Variants in BAZ2B observed in about 807,000 individuals in gnomAD.
BAZ2B encodes bromodomain adjacent to zinc finger domain 2B, also known as bromodomain adjacent to zinc finger domain protein 2B.
A neutral mutation model predicts 246.0 loss-of-function variants in BAZ2B; 91 were observed. The observed-to-expected ratio is 0.37, with a 90% CI of 0.31 to 0.44. The LOEUF (loss-of-function observed/expected upper bound fraction) is 0.44, where lower values mean the gene tolerates loss of function less well. BAZ2B is among the 20% of genes least tolerant of loss of function. The pLI is 1.00. For missense variants in BAZ2B, 2,332 were observed against 2,533.7 expected (o/e 0.92, Z 1.71); for synonymous variants, 855 against 860.0 (o/e 0.99, Z 0.10).
At chr2:159,349,313 A>AGAT (rs2058312079) in intron 28 of BAZ2B, 33 bp from the exon 29 acceptor site, 1 of 1,544,976 alleles carries the variant, frequency 6.5e-7, no homozygotes, top group Non-Finnish European at 8.7e-7. Flanking sequence ...AATGAAAAGT[A>AGAT]GATTACTCTA....
Position 159,350,054 on chromosome 2 carries a change from T to A in BAZ2B, c.4517A>T (p.His1506Leu). ...CTLSYQNSGK[H>L]SLGSVQSTAT... is the part of the protein sequence containing the mutation. ...TGTTGACTGAACGCTGCCCAGTGAA[T>A]GTTTTCCACTGTTCTGATAAGACAA... Residue 1506 changes from histidine to leucine, a missense_variant, in exon 28 of 37, where the codon CAT becomes CTT. By Grantham distance (99) the His-to-Leu change is moderately conservative. Around this residue, in one of 9 missense-constraint regions of BAZ2B, gnomAD observed 676 missense variants for 668.6 expected, o/e 1.01. Coordinates refer to ENST00000392783, the MANE Select transcript of BAZ2B (RefSeq NM_013450.4). The A allele has an allele frequency of 6.2e-7, 1 of 1,614,188 alleles. No homozygotes were observed. The highest frequency in any genetic ancestry group is 8.5e-7 in the Non-Finnish European group (1 of 1,180,024).
intron 25 of BAZ2B, among the ~76,000 whole-genome samples, chr2:159,380,945 T>C (rs570475882): frequency 1.5e-4 from 23 of 152,300 alleles, no homozygotes; most frequent in East Asian, 7.7e-4. Context: ...TTCATTGCTA[T>C]AAGCACAAGT....
At chr2:159,478,838 C>T (rs2078928799) in intron 2 of BAZ2B, 117 bp from the exon 3 acceptor site, 1 of 740,092 alleles carries the variant, frequency 1.4e-6, no homozygotes, top group African/African-American at 1.8e-5. Context: ...AATACATGTT[C>T]TTTGGAAAGA....
chr2:159,487,305 A>T (rs963771308), intron 2 of BAZ2B, among the ~76,000 whole-genome samples: 1 of 152,148 alleles, frequency 6.6e-6, no homozygotes. Flanking sequence ...TGTGTCAAGG[A>T]TCTTCTTTTG....
chr2:159,554,435 A>T (rs2088787434), intron 2 of BAZ2B, among the ~76,000 whole-genome samples: 1 of 152,160 alleles, frequency 6.6e-6, no homozygotes. Context: ...AAAATAAACA[A>T]GGAAAGAGCT....
chr2:159,428,001 A>G lies in BAZ2B; in HGVS notation c.2406T>C (p.Asn802=), dbSNP rs2070304723. 1 of 1,613,436 alleles carries G rather than the reference A, an allele frequency of 6.2e-7. No individual in the cohort carries two copies. Among genetic ancestry groups the G allele is most frequent in the Admixed American group, 1.7e-5 (1 of 59,998 alleles). The change falls in exon 13 of 37, where the codon AAT becomes AAC. Residue 802 remains asparagine (N), a synonymous_variant. Coordinates refer to ENST00000392783, the MANE Select transcript of BAZ2B (RefSeq NM_013450.4). ...CTCTTATTTTTGCACTGAAGCTGAAATTGTCCCTTGAGATATCCATTATTC... is the reference window on the plus strand; with the variant it reads ...CTCTTATTTTTGCACTGAAGCTGAAGTTGTCCCTTGAGATATCCATTATTC... ...RNGIMDISRD[N]FSFSAKIRVG...
At chr2:159,632,153 C>T in the BAZ2B span, among the ~76,000 whole-genome samples, 1 of 152,120 alleles carries the variant, frequency 6.6e-6, no homozygotes, top group East Asian at 1.9e-4. Context: ...AATTTTACAT[C>T]AGGTACATAG....
At chr2:159,685,297 A>C in the BAZ2B span, among the ~76,000 whole-genome samples, 1 of 152,228 alleles carries the variant, frequency 6.6e-6, no homozygotes, top group Admixed American at 6.5e-5. Flanking sequence ...TTATTTAGAA[A>C]GAAGTATCTA....
At chr2:159,424,323 T>C (rs188605172) in intron 13 of BAZ2B, among the ~76,000 whole-genome samples, 29 of 152,280 alleles carry the variant, frequency 1.9e-4, no homozygotes, top group Non-Finnish European at 3.4e-4. Flanking sequence ...TTGTTTTCAA[T>C]TAGCTTTTTT....
chr2:159,569,362 G>A (rs1683387206), intron 1 of BAZ2B, among the ~76,000 whole-genome samples: 1 of 152,100 alleles, frequency 6.6e-6, no homozygotes, highest in Non-Finnish European at 1.5e-5. Flanking sequence ...TTTGCAACAC[G>A]TGCAGATTCT....
chr2:159,677,155 G>A, the BAZ2B span, among the ~76,000 whole-genome samples: 40 of 150,780 alleles, frequency 2.7e-4, 1 homozygote, highest in Non-Finnish European at 1.5e-5. Context: ...TTGCTTGAAA[G>A]GTAATAAAAT....
chr2:159,575,137 C>T (rs1329534679), intron 1 of BAZ2B, among the ~76,000 whole-genome samples: 1 of 152,000 alleles, frequency 6.6e-6, no homozygotes, highest in African/African-American at 2.4e-5. Flanking sequence ...GTAGGCAAAT[C>T]CATAGAGAGA....
chr2:159,647,906 G>A, the BAZ2B span, among the ~76,000 whole-genome samples: 2 of 152,292 alleles, frequency 1.3e-5, no homozygotes, highest in African/African-American at 4.8e-5. Context: ...GGGGATGGAT[G>A]AGATTTAACT....
At position 159,324,830 on chromosome 2, in the gene BAZ2B, C is replaced by G; in HGVS notation, c.6334G>C (p.Glu2112Gln). The change falls in exon 36 of 37, where the codon GAG becomes CAG. Residue 2112 changes from glutamate (E) to glutamine (Q), a missense_variant. Glu to Gln is a conservative substitution (Grantham distance 29). Around this residue, in one of 9 missense-constraint regions of BAZ2B, gnomAD observed 210 missense variants for 232.5 expected, o/e 0.90. Coordinates refer to ENST00000392783, the MANE Select transcript of BAZ2B (RefSeq NM_013450.4). ...ACTTACTGTCCACTACTTAGTTTCTCTCTAATTGTGGAAAAATCCATAGGC... is the reference window on the plus strand; with the variant it reads ...ACTTACTGTCCACTACTTAGTTTCTGTCTAATTGTGGAAAAATCCATAGGC... ...KKPMDFSTIR[E>Q]KLSSGQYPNL... 6.6e-7 allele frequency: 1 copy of G among 1,506,146 alleles called. No homozygotes were observed. Among genetic ancestry groups the G allele is most frequent in the Non-Finnish European group, 8.8e-7 (1 of 1,134,052 alleles). The allele number at this position is 1,506,146 out of a possible 1,614,324, so 93.3% of individuals were successfully genotyped here. A position where few individuals can be genotyped will look rare whatever the true frequency, so the allele number is the denominator to read the frequency against.
chr2:159,560,978 G>T (rs564530415), intron 1 of BAZ2B, among the ~76,000 whole-genome samples: 1 of 152,228 alleles, frequency 6.6e-6, no homozygotes, highest in South Asian at 2.1e-4. Context: ...ACTATATACT[G>T]GGAAACTGGT....
the BAZ2B span, among the ~76,000 whole-genome samples, chr2:159,653,670 A>C: frequency 3.3e-5 from 5 of 152,230 alleles, no homozygotes; most frequent in Non-Finnish European, 5.9e-5. Context: ...AGGTTCAGTG[A>C]CTTCTAAAAT....
chr2:159,672,113 A>G, the BAZ2B span, among the ~76,000 whole-genome samples: 2 of 152,140 alleles, frequency 1.3e-5, no homozygotes, highest in Non-Finnish European at 2.9e-5. Context: ...TTCATTTTCC[A>G]TATAAACATT....
At chr2:159,327,199 G>C (rs774687524) in intron 34 of BAZ2B, among the ~76,000 whole-genome samples, 50 of 152,054 alleles carry the variant, frequency 3.3e-4, no homozygotes, top group Admixed American at 2.2e-3. Flanking sequence ...CTACGAGTGT[G>C]AGCCACCATG....
At chr2:159,377,047 T>C (rs953758857) in intron 25 of BAZ2B, among the ~76,000 whole-genome samples, 2 of 152,058 alleles carry the variant, frequency 1.3e-5, no homozygotes, top group Non-Finnish European at 2.9e-5. Flanking sequence ...TCAACACAAC[T>C]CTACGGAATG....
Sources: gnomAD v4.1 joint callset for allele counts (sites outside exome capture counted in the v4.1 genomes callset) on GRCh38, gnomAD v4.1.1 for gene constraint, gnomAD v4.1.1 regional missense constraint, MANE v1.5 for transcripts, NCBI Gene and HGNC (gene_info 2026-07-23, HGNC 2026-07-21) for gene names.